The following UBE2W variants were observed in gnomAD, a reference collection of about 807,000 sequenced individuals.
The protein encoded by UBE2W is ubiquitin-conjugating enzyme E2 W.
UBE2W carries 18 observed loss-of-function variants against 27.2 expected under a neutral mutation model. That is an observed-to-expected ratio of 0.66 (90% CI 0.46 to 0.98). The LOEUF is 0.98. Ranked by LOEUF, UBE2W falls within the 50% of genes least tolerant of loss-of-function variation. The pLI is 0.00. For synonymous variants in UBE2W, 53 were observed against 57.2 expected (o/e 0.93, Z 0.33); for missense variants, 90 against 180.2 (o/e 0.50, Z 2.87).
At chr8:73,851,734 GGACT>G (rs779743475) in intron 1 of UBE2W, among the ~76,000 whole-genome samples, 25 of 151,254 alleles carry the variant, frequency 1.7e-4, no homozygotes, top group Non-Finnish European at 2.8e-4. Context: ...AGGAATCAAA[GGACT>G]TACTTAGGAT....
intron 3 of UBE2W, among the ~76,000 whole-genome samples, chr8:73,813,817 A>G (rs1338158931): frequency 2.0e-5 from 3 of 151,546 alleles, no homozygotes; most frequent in Non-Finnish European, 2.9e-5. Context: ...CAATGGTACG[A>G]CCTTGGCTCA....
In UBE2W at chr8:73,789,080, ACC is replaced by A. The variant is rs1252051204; in HGVS notation, c.*5020_*5021del. On this transcript the variant is annotated 3_prime_UTR_variant, in exon 6 of 6. Transcript: ENST00000602593. The stretch of plus-strand genomic sequence containing the variant: ...ATTAACATCTCACCAGGATCAAAGA[ACC>A]CTAACTTCAACTTTCAGGATAGAGA... 2.0e-6 allele frequency: 2 copies of A among 985,054 alleles called. No homozygotes were observed. The highest frequency in any genetic ancestry group is 2.3e-4 in the East Asian group (2 of 8,820). The allele number at this position is 985,054 out of a possible 1,614,324, so 61.0% of individuals were successfully genotyped here.
intron 4 of UBE2W, among the ~76,000 whole-genome samples, chr8:73,808,742 C>A (rs567948088): frequency 1.2e-3 from 182 of 152,192 alleles, no homozygotes; most frequent in African/African-American, 3.9e-3. Flanking sequence ...AAATATTATA[C>A]AACTATTACA....
intron 5 of UBE2W, 100 bp downstream of exon 5, chr8:73,805,551 A>G (rs1586456346): frequency 1.1e-5 from 6 of 544,452 alleles, no homozygotes; most frequent in Non-Finnish European, 1.5e-5. Context: ...TAAATATAAC[A>G]CCAATTATAG....
At chr8:73,794,870 G>GAAAAAAAAAA (rs745852858) in intron 5 of UBE2W, among the ~76,000 whole-genome samples, 1 of 103,558 alleles carries the variant, frequency 9.7e-6, no homozygotes, top group Non-Finnish European at 2.0e-5. Context: ...AAAAAAAAAA[G>GAAAAAAAAAA]AAAAAAAAAA....
chr8:73,806,230 A>G (rs1808900652), intron 4 of UBE2W, among the ~76,000 whole-genome samples: 1 of 152,158 alleles, frequency 6.6e-6, no homozygotes, highest in Non-Finnish European at 1.5e-5. Flanking sequence ...AAATTCACAT[A>G]ATAATTTAAA....
chr8:73,801,495 A>T (rs1030855148), intron 5 of UBE2W, among the ~76,000 whole-genome samples: 1 of 152,232 alleles, frequency 6.6e-6, no homozygotes, highest in Non-Finnish European at 1.5e-5. Flanking sequence ...CTTGTAAAAA[A>T]GAAGAATCTT....
intron 1 of UBE2W, among the ~76,000 whole-genome samples, chr8:73,859,547 C>T (rs1043499366): frequency 6.6e-6 from 1 of 152,148 alleles, no homozygotes; most frequent in Non-Finnish European, 1.5e-5. Context: ...AACATTTTTT[C>T]TCTATCTTAC....
At position 73,813,083 on chromosome 8, in the gene UBE2W, C is replaced by CAAAAAAAAAAAAAAAAAAA. The variant is rs56094830; in HGVS notation, c.211-2473_211-2455dup. The stretch of plus-strand genomic sequence containing the variant: ...GAAGAATAGTGATCTGAAAGTGCCA[C>CAAAAAAAAAAAAAAAAAAA]AAAAAAAAAAAAAAAAAAAAAAAAA... On this transcript the variant is annotated intron_variant, in intron 3 of 5. Coordinates refer to ENST00000602593, the MANE Select transcript of UBE2W (RefSeq NM_018299.6). Among the ~76,000 whole-genome samples the CAAAAAAAAAAAAAAAAAAA allele has an allele frequency of 2.8e-4, 12 of 43,460 alleles. 2 individuals are homozygous for CAAAAAAAAAAAAAAAAAAA. The highest frequency in any genetic ancestry group is 1.2e-3 in the South Asian group (1 of 820). The allele number at this position is 43,460 out of a possible 152,430, so 28.5% of individuals were successfully genotyped here. A position where few individuals can be genotyped will look rare whatever the true frequency, so the allele number is the denominator to read the frequency against.
intron 1 of UBE2W, among the ~76,000 whole-genome samples, chr8:73,872,524 A>G (rs891122478): frequency 7.2e-5 from 11 of 152,208 alleles, no homozygotes; most frequent in African/African-American, 4.8e-5. Context: ...ATTTCATTCT[A>G]ATAGAGACAT....
chr8:73,839,223 A>G (rs1436992613), intron 1 of UBE2W, among the ~76,000 whole-genome samples: 1 of 152,114 alleles, frequency 6.6e-6, no homozygotes, highest in African/African-American at 2.4e-5. Context: ...TCAGTACTGA[A>G]AAAGCACTAC....
Position 73,791,487 on chromosome 8 carries a change from G to A in UBE2W, c.*2615C>T. 2 of 985,234 alleles carry A rather than the reference G, an allele frequency of 2.0e-6. No homozygotes were observed. Among genetic ancestry groups the A allele is most frequent in the Non-Finnish European group, 2.4e-6 (2 of 829,820 alleles). 61.0% of individuals were successfully genotyped at this position (985,234 alleles called of 1,614,324 possible). On this transcript the variant is annotated 3_prime_UTR_variant, in exon 6 of 6. Transcript: ENST00000602593. ...ATAGTGCCCCACGAGGAAATGCAGG[G>A]AGGAGGCAAGTAGCATATTCCTATA...
intron 3 of UBE2W, among the ~76,000 whole-genome samples, chr8:73,820,615 C>T (rs1809570256): frequency 6.6e-6 from 1 of 151,970 alleles, no homozygotes; most frequent in Admixed American, 6.6e-5. Flanking sequence ...GTGGTGCATA[C>T]CTGTAGTTGC....
chr8:73,807,012 G>T (rs980387481), intron 4 of UBE2W, among the ~76,000 whole-genome samples: 8 of 152,146 alleles, frequency 5.3e-5, no homozygotes, highest in African/African-American at 1.9e-4. Context: ...ATATATTATG[G>T]AAGAGACTTT....
intron 5 of UBE2W, among the ~76,000 whole-genome samples, chr8:73,794,854 T>TAAAAAAAAAAAAAA (rs1289254274): frequency 5.5e-4 from 24 of 43,462 alleles, no homozygotes; most frequent in South Asian, 2.2e-3. Flanking sequence ...CTCTGTCTCA[T>TAAAAAAAAAAAAAA]AAAAAAAAAA....
At chr8:73,849,227 G>A (rs563354812) in intron 1 of UBE2W, among the ~76,000 whole-genome samples, 17 of 152,090 alleles carry the variant, frequency 1.1e-4, no homozygotes, top group African/African-American at 3.9e-4. Flanking sequence ...AAAAAATATT[G>A]TAGGCCAGGA....
At position 73,791,610 on chromosome 8, in the gene UBE2W, G is replaced by A; in HGVS notation, c.*2492C>T. On this transcript the variant is annotated 3_prime_UTR_variant, in exon 6 of 6. Coordinates refer to ENST00000602593, the MANE Select transcript of UBE2W (RefSeq NM_018299.6). ...CATTAATTGCTCTCTGTAGAGCAAT[G>A]ACTCAGATAAATGCCTTATGACTTT... 2.0e-6 allele frequency: 2 copies of A among 984,926 alleles called. No homozygotes were observed. The highest frequency in any genetic ancestry group is 2.4e-6 in the Non-Finnish European group (2 of 829,546). The allele number at this position is 984,926 out of a possible 1,614,324, so 61.0% of individuals were successfully genotyped here.
At chr8:73,866,931 T>G (rs1586547033) in intron 1 of UBE2W, among the ~76,000 whole-genome samples, 1 of 147,652 alleles carries the variant, frequency 6.8e-6, no homozygotes. Context: ...CTTGAACCCA[T>G]GAGGCAGAGG....
chr8:73,820,689 C>A (rs1013570319), intron 3 of UBE2W, among the ~76,000 whole-genome samples: 18 of 152,172 alleles, frequency 1.2e-4, no homozygotes, highest in Admixed American at 7.2e-4. Context: ...TTGCAGTGAG[C>A]AGAGATCACA....
Sources: allele counts gnomAD v4.1 joint callset (sites outside exome capture counted in the v4.1 genomes callset), GRCh38; gene constraint gnomAD v4.1.1; transcripts MANE v1.5; gene names NCBI Gene and HGNC (gene_info 2026-07-23, HGNC 2026-07-21).